Variants in TLL2 observed in about 807,000 individuals in gnomAD.
TLL2 encodes the protein tolloid-like protein 2.
Under a neutral mutation model 123.0 loss-of-function variants are expected in TLL2, and 106 were observed. The ratio of observed to expected loss-of-function variants is 0.86; its 90% CI spans 0.74 to 1.01. The LOEUF is 1.01. Among genes scored for constraint, TLL2 ranks in the 50% least tolerant of loss-of-function variants. TLL2 has a pLI of 0.00. For missense variants in TLL2, 1,332 were observed against 1,336.7 expected, an observed-to-expected ratio of 1.00 and a Z score of 0.06; for synonymous variants, 494 against 516.8, an observed-to-expected ratio of 0.96 and a Z score of 0.60.
chr10:96,503,500 G>T (rs1250190603), intron 1 of TLL2, among the ~76,000 whole-genome samples: 1 of 152,192 alleles, frequency 6.6e-6, no homozygotes, highest in Non-Finnish European at 1.5e-5. Flanking sequence ...GCCATGGGCT[G>T]CGTGATACCA....
chr10:96,448,125 G>T (rs1846917517), intron 2 of TLL2, among the ~76,000 whole-genome samples: 1 of 152,170 alleles, frequency 6.6e-6, no homozygotes, highest in Non-Finnish European at 1.5e-5. Context: ...TGTAGAGAAG[G>T]TCCCACTACA....
At chr10:96,477,535 C>G (rs886158074) in intron 2 of TLL2, among the ~76,000 whole-genome samples, 4 of 152,064 alleles carry the variant, frequency 2.6e-5, no homozygotes, top group Non-Finnish European at 5.9e-5. Flanking sequence ...ATCGTAAACC[C>G]TCCCAGGTCA....
intron 1 of TLL2, among the ~76,000 whole-genome samples, chr10:96,509,384 G>C (rs1207770061): frequency 6.6e-6 from 1 of 152,236 alleles, no homozygotes; most frequent in African/African-American, 2.4e-5. Flanking sequence ...AGACAGTGAA[G>C]GGCAGCAGGC....
chr10:96,443,016 T>A (rs1470880680), intron 3 of TLL2, among the ~76,000 whole-genome samples: 1 of 152,258 alleles, frequency 6.6e-6, no homozygotes, highest in Non-Finnish European at 1.5e-5. Context: ...GTGGGTGAGC[T>A]GGGATTCAAA....
chr10:96,503,744 C>A (rs753306428), intron 1 of TLL2, among the ~76,000 whole-genome samples: 4 of 152,218 alleles, frequency 2.6e-5, no homozygotes, highest in African/African-American at 4.8e-5. Flanking sequence ...ATTTATTCTT[C>A]CCTATGCTTT....
intron 16 of TLL2, 54 bp downstream of exon 16, chr10:96,384,533 T>G: frequency 3.4e-6 from 5 of 1,454,136 alleles, no homozygotes; most frequent in East Asian, 2.6e-5. Flanking sequence ...GAGCCTGGAG[T>G]CTGCAAAGCC....
intron 19 of TLL2, among the ~76,000 whole-genome samples, chr10:96,371,417 GC>G (rs1424512287): frequency 6.6e-6 from 1 of 152,134 alleles, no homozygotes; most frequent in African/African-American, 2.4e-5. Flanking sequence ...TTCTTGCACA[GC>G]CCCTCCCCAG....
intron 2 of TLL2, 134 bp downstream of exon 2, chr10:96,480,215 C>G (rs1847298400): frequency 1.4e-6 from 1 of 711,130 alleles, no homozygotes; most frequent in Non-Finnish European, 2.4e-6. Context: ...GAGAAGTGAC[C>G]CCTCTGATTT....
At chr10:96,422,405 G>A (rs777456017) in intron 6 of TLL2, 144 bp downstream of exon 6, 61 of 970,444 alleles carry the variant, frequency 6.3e-5, no homozygotes, top group Non-Finnish European at 9.2e-5. Context: ...CTGGTGAGAC[G>A]GGCCTGTACA....
At chr10:96,441,203 A>G (rs1456377736) in intron 3 of TLL2, among the ~76,000 whole-genome samples, 2 of 152,204 alleles carry the variant, frequency 1.3e-5, no homozygotes, top group Non-Finnish European at 2.9e-5. Flanking sequence ...GAGGAAGTGC[A>G]ATTTTTAGAT....
At chr10:96,406,727 T>A (rs550253283) in intron 9 of TLL2, among the ~76,000 whole-genome samples, 87 of 152,260 alleles carry the variant, frequency 5.7e-4, no homozygotes, top group Non-Finnish European at 9.1e-4. Flanking sequence ...CTCTTGCTCC[T>A]CTGCCCTTCC....
chr10:96,463,269 G>A (rs930541904), intron 2 of TLL2, among the ~76,000 whole-genome samples: 2 of 152,168 alleles, frequency 1.3e-5, no homozygotes, highest in African/African-American at 2.4e-5. Flanking sequence ...TTCCCACTGC[G>A]TCACAGCAGG....
intron 1 of TLL2, among the ~76,000 whole-genome samples, chr10:96,489,397 CA>C (rs1847390203): frequency 6.6e-6 from 1 of 152,104 alleles, no homozygotes; most frequent in South Asian, 2.1e-4. Flanking sequence ...GGCATGGTGG[CA>C]CACACCAGTG....
chr10:96,416,712 G>T (rs773727973), intron 7 of TLL2, among the ~76,000 whole-genome samples: 1 of 152,218 alleles, frequency 6.6e-6, no homozygotes, highest in African/African-American at 2.4e-5. Flanking sequence ...GGTGCTGGAC[G>T]TCCTCCCTTG....
chr10:96,431,052 T>C (rs1264496601), intron 4 of TLL2, among the ~76,000 whole-genome samples: 1 of 152,208 alleles, frequency 6.6e-6, no homozygotes, highest in African/African-American at 2.4e-5. Context: ...GAAATACTTG[T>C]GTCAACAAAA....
At chr10:96,368,787 G>T (rs1287600642) in intron 20 of TLL2, among the ~76,000 whole-genome samples, 1 of 152,228 alleles carries the variant, frequency 6.6e-6, no homozygotes, top group African/African-American at 2.4e-5. Flanking sequence ...TTGCCAGGTG[G>T]TCTGTGAATG....
intron 11 of TLL2, 128 bp from the exon 12 acceptor site, chr10:96,396,148 T>C: frequency 9.1e-7 from 1 of 1,103,802 alleles, no homozygotes; most frequent in Non-Finnish European, 1.3e-6. Context: ...AACATTTTCA[T>C]CTCCAGCCCA....
chr10:96,490,462 A>C (rs137930095), intron 1 of TLL2, among the ~76,000 whole-genome samples: 1 of 152,374 alleles, frequency 6.6e-6, no homozygotes, highest in East Asian at 1.9e-4. Flanking sequence ...GGTTTTATCT[A>C]AGAAAACTTA....
In TLL2 at chr10:96,413,259, G is replaced by A. The variant is rs1292955601; in HGVS notation, c.981C>T (p.Thr327=). ...GACTGAGCCGCACGCGCTGGCCAAT[G>A]GTTGGCCTGACGCCATTGTCATCTT... The part of the protein sequence containing the change: ...PRQDDNGVRP[T]IGQRVRLSQG... Residue 327 remains threonine (T), a synonymous_variant, in exon 8 of 21, where the codon ACC becomes ACT. Coordinates refer to ENST00000357947, the MANE Select transcript of TLL2 (RefSeq NM_012465.4). 2 of 1,614,172 alleles carry A rather than the reference G, an allele frequency of 1.2e-6. No individual in the cohort carries two copies. Among genetic ancestry groups the A allele is most frequent in the Non-Finnish European group, 1.7e-6 (2 of 1,180,010 alleles).
Sources: gnomAD v4.1 joint callset for allele counts (sites outside exome capture counted in the v4.1 genomes callset) on GRCh38, gnomAD v4.1.1 for gene constraint, MANE v1.5 for transcripts, NCBI Gene and HGNC (gene_info 2026-07-23, HGNC 2026-07-21) for gene names.